The following SUSD1 variants were observed in gnomAD, a reference collection of about 807,000 sequenced individuals.
SUSD1 encodes sushi domain containing 1, also known as sushi domain-containing protein 1.
A neutral mutation model predicts 86.9 loss-of-function variants in SUSD1; 65 were observed. That is an observed-to-expected ratio of 0.75 (90% confidence interval 0.61 to 0.92). SUSD1 has a LOEUF of 0.92. SUSD1 is among the 40% of genes least tolerant of loss of function. SUSD1 has a pLI of 0.00. For missense variants in SUSD1, 850 were observed against 929.7 expected (o/e 0.91, Z 1.11); for synonymous variants, 346 against 350.0 (o/e 0.99, Z 0.13).
intron 6 of SUSD1, among the ~76,000 whole-genome samples, chr9:112,116,648 G>A (rs1831338602): frequency 6.6e-6 from 1 of 152,214 alleles, no homozygotes. Context: ...TCATAGATCT[G>A]TGAATGTTAG....
At chr9:112,174,795 C>T (rs1834195808) in intron 1 of SUSD1, among the ~76,000 whole-genome samples, 1 of 152,054 alleles carries the variant, frequency 6.6e-6, no homozygotes, top group African/African-American at 2.4e-5. Context: ...CCCGCCCTTC[C>T]CCGGGCGCCG....
chr9:112,117,397 G>A (rs970326081), intron 6 of SUSD1, among the ~76,000 whole-genome samples: 1 of 152,182 alleles, frequency 6.6e-6, no homozygotes, highest in African/African-American at 2.4e-5. Flanking sequence ...AGAACACAGA[G>A]GCCTCTCTGG....
chr9:112,106,244 A>T (rs1258227226), intron 8 of SUSD1, among the ~76,000 whole-genome samples: 1 of 152,106 alleles, frequency 6.6e-6, no homozygotes, highest in African/African-American at 2.4e-5. Context: ...AAGTGCAGGG[A>T]TTACAGGCAT....
At chr9:112,109,813 A>G (rs1251908499) in intron 8 of SUSD1, among the ~76,000 whole-genome samples, 2 of 152,212 alleles carry the variant, frequency 1.3e-5, no homozygotes, top group Non-Finnish European at 2.9e-5. Flanking sequence ...ATTAGTTACC[A>G]TATTAATTTT....
At chr9:112,083,386 C>T (rs1441384501) in intron 10 of SUSD1, among the ~76,000 whole-genome samples, 1 of 152,118 alleles carries the variant, frequency 6.6e-6, no homozygotes, top group Non-Finnish European at 1.5e-5. Flanking sequence ...CACCACCACA[C>T]CTGGCTAATT....
At chr9:112,114,691 C>T (rs959194757) in intron 6 of SUSD1, among the ~76,000 whole-genome samples, 6 of 152,160 alleles carry the variant, frequency 3.9e-5, no homozygotes, top group African/African-American at 1.4e-4. Flanking sequence ...TGGGTTTTGA[C>T]AACATGACCA....
intron 15 of SUSD1, among the ~76,000 whole-genome samples, chr9:112,047,610 T>C (rs1028197506): frequency 6.6e-6 from 1 of 152,178 alleles, no homozygotes; most frequent in African/African-American, 2.4e-5. Flanking sequence ...TGGGAACTAT[T>C]TGGGTCATGG....
intron 11 of SUSD1, among the ~76,000 whole-genome samples, chr9:112,079,671 T>G (rs1168745223): frequency 1.3e-5 from 2 of 151,820 alleles, no homozygotes; most frequent in African/African-American, 4.8e-5. Flanking sequence ...GGCGCGATCT[T>G]GGTTAACAGA....
Position 112,149,371 on chromosome 9 carries a change from A to G in SUSD1, c.246T>C (p.Thr82=), listed in dbSNP as rs1207866052. The G allele has an allele frequency of 2.5e-6, 4 of 1,614,036 alleles. No homozygotes were observed. Among genetic ancestry groups the G allele is most frequent in the East Asian group, 2.2e-5 (1 of 44,896 alleles). The change falls in exon 3 of 17, where the codon ACT becomes ACC. Residue 82 remains threonine (T), a synonymous_variant. Coordinates refer to ENST00000374270, the MANE Select transcript of SUSD1 (RefSeq NM_022486.5). ...AAGATGTGTGGTTCCCACAGACAAG[A>G]GTGGCTCCAAACTGGCACTCATTTT... is the stretch of plus-strand genomic sequence containing the variant. ...VDKNECQFGA[T]LVCGNHTSCH... is the part of the protein sequence containing the mutation.
intron 12 of SUSD1, among the ~76,000 whole-genome samples, chr9:112,070,853 G>A (rs1168397529): frequency 6.6e-6 from 1 of 152,244 alleles, no homozygotes; most frequent in African/African-American, 2.4e-5. Flanking sequence ...CAGGTGGCAT[G>A]GATGGTCAGT....
At chr9:112,153,532 A>C (rs1442913079) in intron 2 of SUSD1, among the ~76,000 whole-genome samples, 1 of 152,158 alleles carries the variant, frequency 6.6e-6, no homozygotes, top group Non-Finnish European at 1.5e-5. Flanking sequence ...GTACATTCTA[A>C]AATAATGATA....
chr9:112,128,666 A>C (rs1170222777), intron 5 of SUSD1, among the ~76,000 whole-genome samples: 1 of 152,194 alleles, frequency 6.6e-6, no homozygotes, highest in Non-Finnish European at 1.5e-5. Flanking sequence ...ATAGAGTAGT[A>C]GTTAGAATGA....
intron 10 of SUSD1, among the ~76,000 whole-genome samples, chr9:112,097,011 C>T (rs1830422884): frequency 8.0e-6 from 1 of 125,508 alleles, no homozygotes; most frequent in South Asian, 3.0e-4. Flanking sequence ...GTGCCAGGCT[C>T]AATCTGATAA....
intron 10 of SUSD1, 63 bp downstream of exon 10, chr9:112,098,407 C>A: frequency 6.5e-7 from 1 of 1,543,598 alleles, no homozygotes; most frequent in South Asian, 1.2e-5. Context: ...TGCCCGCCCA[C>A]ACTGCTCAAT....
chr9:112,043,052 A>T (rs1161932799), intron 15 of SUSD1, among the ~76,000 whole-genome samples: 1 of 152,190 alleles, frequency 6.6e-6, no homozygotes, highest in African/African-American at 2.4e-5. Flanking sequence ...AGGCTGAACT[A>T]ACTTTGGGAG....
chr9:112,149,967 T>C (rs1380479241), intron 2 of SUSD1, among the ~76,000 whole-genome samples: 1 of 152,232 alleles, frequency 6.6e-6, no homozygotes, highest in Admixed American at 6.5e-5. Context: ...TGCAGAGGCC[T>C]GGAACATGGA....
At chr9:112,152,202 CAAA>C (rs199561925) in intron 2 of SUSD1, among the ~76,000 whole-genome samples, 15 of 60,426 alleles carry the variant, frequency 2.5e-4, no homozygotes, top group Middle Eastern at 0.011. Flanking sequence ...GACTCTGTCT[CAAA>C]AAAAAAAAAA....
intron 10 of SUSD1, among the ~76,000 whole-genome samples, chr9:112,097,065 T>C (rs1384290814): frequency 1.2e-4 from 18 of 151,954 alleles, no homozygotes; most frequent in Admixed American, 1.2e-3. Flanking sequence ...TGGCTCACAC[T>C]TGTAATCCCA....
chr9:112,115,670 G>C (rs570938096), intron 6 of SUSD1, among the ~76,000 whole-genome samples: 2 of 151,940 alleles, frequency 1.3e-5, no homozygotes, highest in Admixed American at 1.3e-4. Flanking sequence ...TTAGCCAAGC[G>C]TGGTGGTACA....
Sources: gnomAD v4.1 joint callset for allele counts (sites outside exome capture counted in the v4.1 genomes callset) on GRCh38, gnomAD v4.1.1 for gene constraint, MANE v1.5 for transcripts, NCBI Gene and HGNC (gene_info 2026-07-23, HGNC 2026-07-21) for gene names.